The following PTPRT variants were observed in gnomAD, a reference collection of about 807,000 sequenced individuals.
PTPRT encodes protein tyrosine phosphatase receptor type T.
In PTPRT, 56 loss-of-function variants were observed where a neutral mutation model predicts 176.8. The ratio of observed to expected loss-of-function variants is 0.32; its 90% CI spans 0.26 to 0.40. The LOEUF (loss-of-function observed/expected upper bound fraction) is 0.40. Among genes scored for constraint, PTPRT ranks in the 10% least tolerant of loss-of-function variants. The probability of loss-of-function intolerance (pLI) is 1.00; values close to 1 mark genes in which losing one functional copy is unlikely to be tolerated. For missense variants in PTPRT, 1,540 were observed against 1,908.2 expected, an observed-to-expected ratio of 0.81 and a Z score of 3.60; for synonymous variants, 783 against 739.0, an observed-to-expected ratio of 1.06 and a Z score of -0.96.
At chr20:42,498,929 T>C (rs992296877) in intron 7 of PTPRT, among the ~76,000 whole-genome samples, 6 of 152,184 alleles carry the variant, frequency 3.9e-5, no homozygotes, top group Non-Finnish European at 8.8e-5. Context: ...CTGTAACTTC[T>C]GTCTTCCTAA....
chr20:42,290,922 G>T (rs1401148291), intron 12 of PTPRT, among the ~76,000 whole-genome samples: 2 of 152,072 alleles, frequency 1.3e-5, no homozygotes, highest in African/African-American at 2.4e-5. Flanking sequence ...TGATCAAGAA[G>T]CCCTAGGTAC....
chr20:42,898,701 T>C (rs1209376931), intron 1 of PTPRT, among the ~76,000 whole-genome samples: 3 of 152,056 alleles, frequency 2.0e-5, no homozygotes, highest in South Asian at 2.1e-4. Context: ...AAGAACATCA[T>C]GGGGTATGGC....
chr20:42,827,712 G>A (rs1196561334), intron 2 of PTPRT, among the ~76,000 whole-genome samples: 1 of 152,166 alleles, frequency 6.6e-6, no homozygotes, highest in Non-Finnish European at 1.5e-5. Flanking sequence ...TTACCTATAT[G>A]CTGCCATTCT....
chr20:42,620,662 G>T (rs187722554), intron 7 of PTPRT, among the ~76,000 whole-genome samples: 1 of 152,300 alleles, frequency 6.6e-6, no homozygotes, highest in East Asian at 1.9e-4. Context: ...TTTTTAAGCC[G>T]GTCTGAAAAG....
chr20:42,336,332 G>A (rs6030151), intron 11 of PTPRT, among the ~76,000 whole-genome samples: 70,182 of 151,812 alleles, frequency 0.46, 16,631 homozygotes, highest in African/African-American at 0.58. Flanking sequence ...GTCTGCAATC[G>A]ATAACTTTAA....
intron 1 of PTPRT, among the ~76,000 whole-genome samples, chr20:42,959,224 C>T (rs550421273): frequency 6.6e-6 from 1 of 152,186 alleles, no homozygotes; most frequent in East Asian, 1.9e-4. Flanking sequence ...GTTCTTATGA[C>T]GATTACATGA....
chr20:42,146,761 C>G (rs2146438616), intron 17 of PTPRT, among the ~76,000 whole-genome samples: 1 of 152,332 alleles, frequency 6.6e-6, no homozygotes. Context: ...TTGCCATTGC[C>G]TTCAGGATAA....
At chr20:42,629,842 A>G (rs2074370502) in intron 7 of PTPRT, among the ~76,000 whole-genome samples, 1 of 152,172 alleles carries the variant, frequency 6.6e-6, no homozygotes, top group East Asian at 1.9e-4. Context: ...GGCATGATTC[A>G]AAACAGCCAC....
At position 42,388,164 on chromosome 20, in the gene PTPRT, G is replaced by A. The variant is rs145534372; in HGVS notation, c.1561-35879C>T. Among the ~76,000 whole-genome samples, 10 of 152,282 alleles carry A rather than the reference G, an allele frequency of 6.6e-5. No homozygotes were observed. The East Asian group carries it at 1.7e-3, about 27-fold the overall frequency. On this transcript the variant is annotated intron_variant, in intron 9 of 30. Transcript: ENST00000373187. ...TTACCCAGTCCAAAACATTAATAGT[G>A]CTAAGGTTAAGAAACGTGATATAGC...
chr20:42,915,902 G>A (rs374412372), intron 1 of PTPRT, among the ~76,000 whole-genome samples: 11 of 151,520 alleles, frequency 7.3e-5, no homozygotes, highest in Non-Finnish European at 1.5e-4. Context: ...TGCCCGGCCC[G>A]CTATTGTTTT....
downstream of PTPRT, among the ~76,000 whole-genome samples, chr20:42,071,861 G>T (rs1982353674): frequency 6.6e-6 from 1 of 151,800 alleles, no homozygotes; most frequent in African/African-American, 2.4e-5. Flanking sequence ...GTCTCATTAT[G>T]TTGCCCAGGC....
rs546516112 is a variant in PTPRT at position 43,074,127 on chromosome 20, G to A, written c.88+115519C>T. Among the ~76,000 whole-genome samples, 8 of 152,102 alleles carry A rather than the reference G, an allele frequency of 5.3e-5. No individual in the cohort carries two copies. In the East Asian group the frequency reaches 1.5e-3, roughly 29 times the overall value. ...AATGTTATGGGCCGAGTGGCAATTA[G>A]GAGGAAAAAATGTCTAAAAGACTTC... On this transcript the variant is annotated intron_variant, in intron 1 of 30. Coordinates refer to ENST00000373187, the MANE Select transcript of PTPRT (RefSeq NM_007050.6).
At chr20:42,605,333 G>C (rs1459541361) in intron 7 of PTPRT, among the ~76,000 whole-genome samples, 1 of 133,880 alleles carries the variant, frequency 7.5e-6, no homozygotes, top group Non-Finnish European at 1.5e-5. Flanking sequence ...AGATTCAAAA[G>C]CCAAGGGGGG....
chr20:42,280,521 G>C (rs190564366), intron 13 of PTPRT, among the ~76,000 whole-genome samples: 97 of 152,266 alleles, frequency 6.4e-4, no homozygotes, highest in African/African-American at 2.1e-3. Flanking sequence ...GCCTGCCTGG[G>C]CTTGGACAGC....
chr20:42,232,172 G>A (rs2056146938), intron 15 of PTPRT, among the ~76,000 whole-genome samples: 1 of 152,148 alleles, frequency 6.6e-6, no homozygotes, highest in Non-Finnish European at 1.5e-5. Context: ...AAATATTGGT[G>A]GAATGAATAA....
intron 1 of PTPRT, among the ~76,000 whole-genome samples, chr20:42,965,089 C>A (rs971832921): frequency 6.6e-6 from 1 of 152,160 alleles, no homozygotes; most frequent in Admixed American, 6.5e-5. Context: ...AAACTCACTG[C>A]TTTTTCATAT....
At chr20:42,953,995 A>C (rs548497460) in intron 1 of PTPRT, among the ~76,000 whole-genome samples, 46 of 152,206 alleles carry the variant, frequency 3.0e-4, no homozygotes, top group African/African-American at 1.1e-3. Context: ...TGGCTATATC[A>C]CAGCCTGGGA....
At chr20:42,767,710 T>G (rs897413603) in intron 5 of PTPRT, among the ~76,000 whole-genome samples, 1 of 146,554 alleles carries the variant, frequency 6.8e-6, no homozygotes, top group African/African-American at 2.5e-5. Context: ...TTTTATAATA[T>G]ATATTTTATA....
chr20:42,970,012 G>T (rs957294140), intron 1 of PTPRT, among the ~76,000 whole-genome samples: 5 of 152,170 alleles, frequency 3.3e-5, no homozygotes, highest in African/African-American at 7.2e-5. Flanking sequence ...GAGCTCAAAA[G>T]CAGCAGATGA....
Sources: gnomAD v4.1 joint callset for allele counts (sites outside exome capture counted in the v4.1 genomes callset) on GRCh38, gnomAD v4.1.1 for gene constraint, MANE v1.5 for transcripts, NCBI Gene and HGNC (gene_info 2026-07-23, HGNC 2026-07-21) for gene names.